The following RIN2 variants were observed in gnomAD, a reference collection of about 807,000 sequenced individuals.
The protein encoded by RIN2 is RAB5 interacting protein 2.
RIN2 carries 36 observed loss-of-function variants against 78.0 expected under a neutral mutation model. The ratio of observed to expected loss-of-function variants is 0.46; its 90% CI spans 0.35 to 0.61. RIN2 has a LOEUF of 0.61. Among genes scored for constraint, RIN2 ranks in the 20% least tolerant of loss-of-function variants. The pLI is 0.00. For missense variants in RIN2, 1,087 were observed against 1,159.7 expected (o/e 0.94, Z 0.91); for synonymous variants, 466 against 466.8 (o/e 1.00, Z 0.02).
Position 19,869,243 on chromosome 20 carries a change from C to T in RIN2, c.-36-20323C>T, listed in dbSNP as rs373167803. ...GAATGAAATTGATGAAGACCATATACGCTGTGGCAGAGTTTGGACTGATGT... is the reference window on the plus strand; with the variant it reads ...GAATGAAATTGATGAAGACCATATATGCTGTGGCAGAGTTTGGACTGATGT... On this transcript the variant is annotated intron_variant, in intron 2 of 12. Coordinates refer to ENST00000255006, the MANE Select transcript of RIN2 (RefSeq NM_018993.4). Among the ~76,000 whole-genome samples, 221 of 152,282 alleles carry T rather than the reference C, an allele frequency of 1.5e-3. 2 individuals carry two copies. The highest frequency in any genetic ancestry group is 5.0e-3 in the African/African-American group (206 of 41,558).
intron 2 of RIN2, among the ~76,000 whole-genome samples, chr20:19,846,190 A>C (rs1450514691): frequency 6.6e-6 from 1 of 152,192 alleles, no homozygotes; most frequent in Non-Finnish European, 1.5e-5. Context: ...CTTTTTGCTT[A>C]GGATTGTCTT....
intron 1 of RIN2, among the ~76,000 whole-genome samples, chr20:19,764,361 A>G (rs2033776220): frequency 9.0e-6 from 1 of 111,386 alleles, no homozygotes. Flanking sequence ...GAAACCTTTG[A>G]GTCTCGGAAA....
At chr20:19,882,159 G>A (rs1226572509) in intron 2 of RIN2, among the ~76,000 whole-genome samples, 1 of 152,178 alleles carries the variant, frequency 6.6e-6, no homozygotes, top group Non-Finnish European at 1.5e-5. Flanking sequence ...AGTCACACTT[G>A]TTATGATGGA....
chr20:19,896,324 G>A (rs2038722310), intron 3 of RIN2, among the ~76,000 whole-genome samples: 1 of 152,322 alleles, frequency 6.6e-6, no homozygotes, highest in East Asian at 1.9e-4. Context: ...AAGTAGCTGG[G>A]ATTACAGGCA....
intron 4 of RIN2, among the ~76,000 whole-genome samples, chr20:19,955,710 C>T (rs931887643): frequency 3.9e-5 from 6 of 152,046 alleles, no homozygotes; most frequent in South Asian, 2.1e-4. Flanking sequence ...TGAGTAATGT[C>T]GACATGATTT....
At chr20:19,959,948 G>A (rs1265252772) in intron 5 of RIN2, among the ~76,000 whole-genome samples, 1 of 152,174 alleles carries the variant, frequency 6.6e-6, no homozygotes, top group African/African-American at 2.4e-5. Context: ...TCAGCACTAG[G>A]AATTGAACTG....
intron 2 of RIN2, among the ~76,000 whole-genome samples, chr20:19,837,205 CACACACAG>C (rs1244493401): frequency 6.6e-6 from 1 of 150,894 alleles, no homozygotes; most frequent in Admixed American, 6.6e-5. Context: ...CACACACACA[CACACACAG>C]AGTGAATTAC....
chr20:19,792,370 G>C lies in RIN2; in HGVS notation c.-162-7252G>C, dbSNP rs554495950. 5.9e-5 allele frequency among the ~76,000 whole-genome samples: 9 copies of C among 152,310 alleles called. No homozygotes were observed. The South Asian group carries it at 1.4e-3, about 25-fold the overall frequency. ...ACCAAATATTGACTGAGGCCTCATA[G>C]TGTCATTTCTCGTGAACATTTAAAC... is the stretch of plus-strand genomic sequence containing the variant. On this transcript the variant is annotated intron_variant, in intron 1 of 12. Transcript: ENST00000255006.
intron 1 of RIN2, among the ~76,000 whole-genome samples, chr20:19,787,189 G>A (rs573060370): frequency 3.3e-5 from 5 of 152,050 alleles, no homozygotes; most frequent in Non-Finnish European, 5.9e-5. Context: ...TTGGGAGGCC[G>A]AGGCAGGCAG....
At chr20:19,776,741 AAAAAG>A (rs869280491) in intron 1 of RIN2, among the ~76,000 whole-genome samples, 60 of 150,804 alleles carry the variant, frequency 4.0e-4, no homozygotes, top group Non-Finnish European at 7.4e-4. Flanking sequence ...CAAAAAAAAA[AAAAAG>A]AAAGAAAGAA....
chr20:19,893,398 G>A (rs562646854), intron 3 of RIN2, among the ~76,000 whole-genome samples: 1 of 152,276 alleles, frequency 6.6e-6, no homozygotes, highest in East Asian at 1.9e-4. Context: ...TAGTGCTCAC[G>A]TGACTTTGTG....
chr20:19,854,717 T>C (rs1315230359), intron 2 of RIN2, among the ~76,000 whole-genome samples: 1 of 152,236 alleles, frequency 6.6e-6, no homozygotes, highest in African/African-American at 2.4e-5. Flanking sequence ...TTGTGATTTT[T>C]GCACATTGAT....
At chr20:19,936,123 G>C (rs1292798526) in intron 4 of RIN2, among the ~76,000 whole-genome samples, 1 of 152,208 alleles carries the variant, frequency 6.6e-6, no homozygotes, top group Admixed American at 6.5e-5. Context: ...TCCCAGGGAG[G>C]CACTTGCAGC....
chr20:19,774,758 T>C (rs2034254891), intron 1 of RIN2, among the ~76,000 whole-genome samples: 1 of 152,182 alleles, frequency 6.6e-6, no homozygotes, highest in African/African-American at 2.4e-5. Context: ...GATGATGTAA[T>C]AGGATTTGGT....
chr20:19,801,613 G>A (rs529275767), intron 2 of RIN2, among the ~76,000 whole-genome samples: 3 of 152,310 alleles, frequency 2.0e-5, no homozygotes, highest in Non-Finnish European at 2.9e-5. Context: ...GAGCCACCGC[G>A]CCCGGCATCA....
intron 2 of RIN2, among the ~76,000 whole-genome samples, chr20:19,841,309 G>T (rs1455855382): frequency 6.6e-6 from 1 of 151,998 alleles, no homozygotes; most frequent in Non-Finnish European, 1.5e-5. Context: ...GGACTTTACT[G>T]TGATTTTTTT....
At chr20:19,934,360 A>G (rs891206243) in intron 3 of RIN2, 2 of 452,234 alleles carry the variant, frequency 4.4e-6, no homozygotes, top group Non-Finnish European at 5.8e-6. Context: ...ACGCGCCAGG[A>G]AAGACTCTGT....
At chr20:19,838,841 G>A (rs1367592158) in intron 2 of RIN2, among the ~76,000 whole-genome samples, 3 of 152,054 alleles carry the variant, frequency 2.0e-5, no homozygotes, top group Non-Finnish European at 4.4e-5. Flanking sequence ...GGTGCTGAGG[G>A]TACCACCGCC....
intron 2 of RIN2, among the ~76,000 whole-genome samples, chr20:19,884,396 C>T (rs2038116825): frequency 6.6e-6 from 1 of 152,110 alleles, no homozygotes; most frequent in Admixed American, 6.5e-5. Flanking sequence ...TGCACTCCAG[C>T]CTGGGCAACA....
Sources: allele counts gnomAD v4.1 joint callset (sites outside exome capture counted in the v4.1 genomes callset), GRCh38; gene constraint gnomAD v4.1.1; transcripts MANE v1.5; gene names NCBI Gene and HGNC (gene_info 2026-07-23, HGNC 2026-07-21).